Variants in PDE4D observed in about 807,000 individuals in gnomAD.
PDE4D encodes the protein 3',5'-cyclic-AMP phosphodiesterase 4D.
A neutral mutation model predicts 87.4 loss-of-function variants in PDE4D; 24 were observed. The observed-to-expected ratio is 0.27, with a 90% CI of 0.20 to 0.39. PDE4D has a LOEUF of 0.39. Among genes scored for constraint, PDE4D ranks in the 10% least tolerant of loss-of-function variants. The pLI is 1.00. For missense variants in PDE4D, 714 were observed against 1,041.0 expected, an observed-to-expected ratio of 0.69 and a Z score of 4.32; for synonymous variants, 384 against 383.2, an observed-to-expected ratio of 1.00 and a Z score of -0.02.
At chr5:59,260,832 C>A (rs2153535270) in intron 1 of PDE4D, among the ~76,000 whole-genome samples, 1 of 151,342 alleles carries the variant, frequency 6.6e-6, no homozygotes, top group East Asian at 2.0e-4. Context: ...CAATTAAAAT[C>A]TTATAAGTAA....
chr5:59,744,470 C>T (rs1455202611), intron 1 of PDE4D, among the ~76,000 whole-genome samples: 1 of 152,122 alleles, frequency 6.6e-6, no homozygotes, highest in African/African-American at 2.4e-5. Flanking sequence ...TAACAAAAAG[C>T]TGATGACCTT....
intron 2 of PDE4D, among the ~76,000 whole-genome samples, chr5:60,180,652 G>A (rs1054179386): frequency 5.3e-5 from 8 of 152,110 alleles, no homozygotes; most frequent in African/African-American, 1.9e-4. Context: ...ACACACAGTA[G>A]CCATTCAGTA....
chr5:60,015,144 G>C (rs536838472), intron 2 of PDE4D, among the ~76,000 whole-genome samples: 60 of 152,286 alleles, frequency 3.9e-4, no homozygotes, highest in African/African-American at 1.3e-3. Flanking sequence ...TTAGGTACAA[G>C]TATCTAGATA....
chr5:59,323,553 G>T (rs1775090916), intron 1 of PDE4D, among the ~76,000 whole-genome samples: 2 of 151,956 alleles, frequency 1.3e-5, no homozygotes. Flanking sequence ...AGTTGTCCAA[G>T]CCAGAAATGT....
intron 1 of PDE4D, among the ~76,000 whole-genome samples, chr5:59,620,636 T>C (rs1177896482): frequency 1.3e-5 from 2 of 152,082 alleles, no homozygotes; most frequent in Non-Finnish European, 2.9e-5. Context: ...TTAGGGTGAT[T>C]TGGTGGCTAT....
chr5:60,405,949 C>T (rs1271548960), intron 1 of PDE4D, among the ~76,000 whole-genome samples: 1 of 152,192 alleles, frequency 6.6e-6, no homozygotes, highest in East Asian at 1.9e-4. Flanking sequence ...CAATTACACC[C>T]ACAGGGGTTC....
At chr5:59,958,250 A>T (rs1759074481) in intron 3 of PDE4D, among the ~76,000 whole-genome samples, 1 of 152,182 alleles carries the variant, frequency 6.6e-6, no homozygotes, top group Non-Finnish European at 1.5e-5. Flanking sequence ...TAGATTTTAC[A>T]TATAGGATTT....
intron 1 of PDE4D, among the ~76,000 whole-genome samples, chr5:59,837,094 T>C (rs1345769035): frequency 6.6e-6 from 1 of 152,000 alleles, no homozygotes; most frequent in East Asian, 1.9e-4. Flanking sequence ...GTTCTCCATC[T>C]CTCATTCAAG....
At chr5:59,363,712 T>G (rs544193111) in intron 1 of PDE4D, among the ~76,000 whole-genome samples, 6 of 152,330 alleles carry the variant, frequency 3.9e-5, no homozygotes, top group African/African-American at 1.4e-4. Flanking sequence ...GACAGACATG[T>G]GAGTCCAAGT....
chr5:60,518,893 C>T (rs777709608), intron 1 of PDE4D, among the ~76,000 whole-genome samples: 5 of 152,134 alleles, frequency 3.3e-5, no homozygotes, highest in Non-Finnish European at 7.3e-5. Context: ...GGCTGGTAGA[C>T]AGATGGTATT....
chr5:59,586,967 A>G, intron 1 of PDE4D: 1 of 985,456 alleles, frequency 1.0e-6, no homozygotes, highest in Non-Finnish European at 1.2e-6. Context: ...CAGAGGGGCT[A>G]GAAACCATGT....
At chr5:60,458,580 T>G (rs142547721) in intron 1 of PDE4D, among the ~76,000 whole-genome samples, 2 of 152,106 alleles carry the variant, frequency 1.3e-5, no homozygotes, top group African/African-American at 4.8e-5. Context: ...TTGGGCTTGA[T>G]AGAAGAGAAT....
intron 1 of PDE4D, among the ~76,000 whole-genome samples, chr5:60,200,124 G>A (rs1741738780): frequency 6.6e-6 from 1 of 151,502 alleles, no homozygotes. Flanking sequence ...CGCTTATGGG[G>A]CATTTGCTAT....
At chr5:59,375,784 C>T (rs1784619375) in intron 1 of PDE4D, among the ~76,000 whole-genome samples, 1 of 152,110 alleles carries the variant, frequency 6.6e-6, no homozygotes, top group South Asian at 2.1e-4. Flanking sequence ...TGCAAGAATC[C>T]TCCATAAAAT....
intron 1 of PDE4D, among the ~76,000 whole-genome samples, chr5:59,580,776 G>A (rs1823976958): frequency 6.6e-6 from 1 of 152,108 alleles, no homozygotes; most frequent in Non-Finnish European, 1.5e-5. Flanking sequence ...TGCTGTAATA[G>A]TTTTCAAAAG....
chr5:59,521,081 A>C (rs1192471154), intron 1 of PDE4D, among the ~76,000 whole-genome samples: 1 of 151,680 alleles, frequency 6.6e-6, no homozygotes, highest in Non-Finnish European at 1.5e-5. Flanking sequence ...GTATATTTCA[A>C]GGGTGATTAA....
At chr5:59,373,527 G>T (rs1489546424) in intron 1 of PDE4D, among the ~76,000 whole-genome samples, 1 of 152,152 alleles carries the variant, frequency 6.6e-6, no homozygotes, top group African/African-American at 2.4e-5. Context: ...AGAAATATGA[G>T]ATTATGTAAA....
intron 1 of PDE4D, among the ~76,000 whole-genome samples, chr5:59,225,921 A>G (rs1388039214): frequency 7.2e-5 from 11 of 151,986 alleles, no homozygotes; most frequent in Admixed American, 6.6e-4. Context: ...CAACCTCACT[A>G]ATCATTAAGG....
intron 1 of PDE4D, among the ~76,000 whole-genome samples, chr5:60,477,488 CA>C (rs1365009012): frequency 4.6e-5 from 7 of 152,086 alleles, no homozygotes; most frequent in African/African-American, 1.7e-4. Flanking sequence ...TGATTTTACA[CA>C]GTATGTAAAA....
Sources: gnomAD v4.1 joint callset for allele counts (sites outside exome capture counted in the v4.1 genomes callset) on GRCh38, gnomAD v4.1.1 for gene constraint, MANE v1.5 for transcripts, NCBI Gene and HGNC (gene_info 2026-07-23, HGNC 2026-07-21) for gene names.